The following FBXL2 variants were observed in gnomAD, a reference collection of about 807,000 sequenced individuals.
The protein encoded by FBXL2 is F-box/LRR-repeat protein 2.
A neutral mutation model predicts 69.2 loss-of-function variants in FBXL2; 38 were observed. That is an observed-to-expected ratio of 0.55 (90% confidence interval 0.42 to 0.72). The LOEUF is 0.72. Among genes scored for constraint, FBXL2 ranks in the 30% least tolerant of loss-of-function variants. The pLI is 0.00. For missense variants in FBXL2, 354 were observed against 520.3 expected (o/e 0.68, Z 3.11); for synonymous variants, 192 against 201.3 (o/e 0.95, Z 0.39).
chr3:33,307,663 ACT>A (rs535105802), intron 2 of FBXL2, among the ~76,000 whole-genome samples: 6 of 152,094 alleles, frequency 3.9e-5, no homozygotes, highest in Admixed American at 3.3e-4. Flanking sequence ...TCTACAACCT[ACT>A]CTCAAACATT....
At chr3:33,354,301 G>C (rs1482903388) in intron 2 of FBXL2, among the ~76,000 whole-genome samples, 1 of 151,984 alleles carries the variant, frequency 6.6e-6, no homozygotes, top group Non-Finnish European at 1.5e-5. Context: ...ATCACCTGAG[G>C]TCAGGAGTTC....
chr3:33,368,440 T>C (rs2042089068), intron 5 of FBXL2, among the ~76,000 whole-genome samples: 1 of 152,210 alleles, frequency 6.6e-6, no homozygotes, highest in Non-Finnish European at 1.5e-5. Context: ...CTTCTTTTAT[T>C]CCTGATAGTT....
intron 2 of FBXL2, among the ~76,000 whole-genome samples, chr3:33,336,664 T>C (rs957457107): frequency 6.6e-6 from 1 of 152,184 alleles, no homozygotes; most frequent in Non-Finnish European, 1.5e-5. Flanking sequence ...CCTGGCACTT[T>C]GGGAGACCGA....
chr3:33,416,663 T>A, the FBXL2 span: 1 of 972,788 alleles, frequency 1.0e-6, no homozygotes, highest in Non-Finnish European at 1.5e-6. Context: ...AAAGTTGTAA[T>A]ACAACAATTA....
downstream of FBXL2, chr3:33,392,497 CTAAT>C (rs2043808159): frequency 1.5e-6 from 2 of 1,368,454 alleles, no homozygotes; most frequent in South Asian, 2.6e-5. Context: ...ACGAGAGGCA[CTAAT>C]TAGAGGCACA....
At chr3:33,375,265 C>T in intron 9 of FBXL2, 23 bp from the exon 10 acceptor site, 1 of 1,605,166 alleles carries the variant, frequency 6.2e-7, no homozygotes. Context: ...TCTGACTTTT[C>T]TTTCTGTGCT....
exon 13 of FBXL2, chr3:33,403,539 A>C (rs1220096306): frequency 2.1e-5 from 3 of 139,714 alleles, no homozygotes; most frequent in Non-Finnish European, 4.7e-5. Context: ...CTGTCTATCT[A>C]ATCTATCTGT....
intron 2 of FBXL2, among the ~76,000 whole-genome samples, chr3:33,305,157 T>G (rs2036605276): frequency 6.6e-6 from 1 of 151,972 alleles, no homozygotes; most frequent in Admixed American, 6.6e-5. Context: ...TCTTTTATGC[T>G]TAGCGTTTTT....
In FBXL2 at chr3:33,385,615, C is replaced by T; in HGVS notation, c.*7C>T. The T allele has an allele frequency of 6.2e-7, 1 of 1,611,808 alleles. No individual in the cohort carries two copies. The highest frequency in any genetic ancestry group is 1.1e-5 in the South Asian group (1 of 91,026). On this transcript the variant is annotated 3_prime_UTR_variant, in exon 15 of 15. Coordinates refer to ENST00000484457, the MANE Select transcript of FBXL2 (RefSeq NM_012157.5). Reference sequence around the variant, plus strand: ...GTGCTGTGTCATTCTCTGACAGCAGCTGCCTGGGCCCAAGGGGTGATGAGG... The same window carrying T: ...GTGCTGTGTCATTCTCTGACAGCAGTTGCCTGGGCCCAAGGGGTGATGAGG...
chr3:33,372,790 A>G (rs1406725847), intron 5 of FBXL2: 2 of 497,560 alleles, frequency 4.0e-6, no homozygotes, highest in African/African-American at 3.9e-5. Context: ...TGATTCGGTG[A>G]TGACTCACCA....
At chr3:33,405,863 C>T (rs972360740), downstream of FBXL2, among the ~76,000 whole-genome samples, 3 of 152,140 alleles carry the variant, frequency 2.0e-5, no homozygotes, top group Admixed American at 2.0e-4. Context: ...TTAAGTCTCA[C>T]CAATGGCTAC....
At chr3:33,330,213 G>A (rs990979516) in intron 2 of FBXL2, among the ~76,000 whole-genome samples, 2 of 151,624 alleles carry the variant, frequency 1.3e-5, no homozygotes, top group African/African-American at 4.9e-5. Context: ...GGCCGCAGAG[G>A]TTGAGGCTGC....
At position 33,385,957 on chromosome 3, in the gene FBXL2, G is replaced by A. The variant is rs1286939498; in HGVS notation, c.*349G>A. ...TTCCTCAAAAAGACCATCAGTGTTA[G>A]CACAAACTGAGCAGAAAAAATAAGC... On this transcript the variant is annotated 3_prime_UTR_variant, in exon 15 of 15. Coordinates refer to ENST00000484457, the MANE Select transcript of FBXL2 (RefSeq NM_012157.5). 2 of 231,680 alleles carry A rather than the reference G, an allele frequency of 8.6e-6. No individual in the cohort carries two copies. Among genetic ancestry groups the A allele is most frequent in the Admixed American group, 1.0e-4 (2 of 19,778 alleles). The allele number at this position is 231,680 out of a possible 1,614,324, so 14.4% of individuals were successfully genotyped here. A position where few individuals can be genotyped will look rare whatever the true frequency, so the allele number is the denominator to read the frequency against.
chr3:33,383,886 T>C, intron 13 of FBXL2, 103 bp from the exon 14 acceptor site: 1 of 998,136 alleles, frequency 1.0e-6, no homozygotes, highest in Non-Finnish European at 1.5e-6. Flanking sequence ...TGCTGTGTCA[T>C]CCCATTGCAG....
the FBXL2 span, chr3:33,416,808 C>A: frequency 3.7e-6 from 6 of 1,613,582 alleles, no homozygotes; most frequent in Non-Finnish European, 5.1e-6. Flanking sequence ...TTCCGATTAT[C>A]CAGCATCCGA....
At chr3:33,342,168 C>G (rs1002212715) in intron 2 of FBXL2, among the ~76,000 whole-genome samples, 1 of 151,290 alleles carries the variant, frequency 6.6e-6, no homozygotes, top group Admixed American at 6.6e-5. Context: ...CTACGCCCGG[C>G]TAATTTTTTG....
At chr3:33,331,968 G>A (rs1575223368) in intron 2 of FBXL2, among the ~76,000 whole-genome samples, 1 of 152,072 alleles carries the variant, frequency 6.6e-6, no homozygotes, top group Admixed American at 6.5e-5. Flanking sequence ...AATAGAGAGA[G>A]AATGTGGGAA....
intron 2 of FBXL2, among the ~76,000 whole-genome samples, chr3:33,354,603 AAAGGAATT>A (rs1191439478): frequency 6.6e-6 from 1 of 152,224 alleles, no homozygotes. Flanking sequence ...AGTCTGTAAC[AAAGGAATT>A]ATAAAATAAT....
chr3:33,316,516 CAT>C (rs1436077130), intron 2 of FBXL2, among the ~76,000 whole-genome samples: 12 of 152,156 alleles, frequency 7.9e-5, no homozygotes, highest in African/African-American at 2.7e-4. Flanking sequence ...CCCCTCCACT[CAT>C]GTGCTATTTG....
Sources: gnomAD v4.1 joint callset for allele counts (sites outside exome capture counted in the v4.1 genomes callset) on GRCh38, gnomAD v4.1.1 for gene constraint, MANE v1.5 for transcripts, NCBI Gene and HGNC (gene_info 2026-07-23, HGNC 2026-07-21) for gene names.